ERI1: variants seen among roughly 807,000 people sequenced by gnomAD.
ERI1 encodes the protein 3'-5' exoribonuclease 1.
ERI1 carries 39 observed loss-of-function variants against 39.7 expected under a neutral mutation model. The observed-to-expected ratio is 0.98, with a 90% CI of 0.76 to 1.28. The LOEUF (loss-of-function observed/expected upper bound fraction) is 1.28, where lower values mean the gene tolerates loss of function less well. Among genes scored for constraint, ERI1 ranks in the 50% most tolerant of loss-of-function variants. The pLI, the probability that ERI1 is intolerant of heterozygous loss-of-function variation, is 0.00. For synonymous variants in ERI1, 204 were observed against 149.6 expected (o/e 1.36, Z -2.65); for missense variants, 581 against 416.9 (o/e 1.39, Z -3.43).
intron 3 of ERI1, among the ~76,000 whole-genome samples, chr8:9,077,204 T>C (rs1470031766): frequency 4.6e-5 from 7 of 152,196 alleles, no homozygotes; most frequent in African/African-American, 1.7e-4. Flanking sequence ...TTTCTCATGT[T>C]CTCCAGTTCT....
chr8:9,065,878 G>T (rs549139959), intron 3 of ERI1, among the ~76,000 whole-genome samples: 2 of 152,222 alleles, frequency 1.3e-5, no homozygotes, highest in South Asian at 4.2e-4. Context: ...GTTTTGGGTG[G>T]GTGGTGGAGA....
intron 2 of ERI1, among the ~76,000 whole-genome samples, chr8:9,010,474 TAAAA>T (rs1456746217): frequency 6.6e-6 from 1 of 152,196 alleles, no homozygotes; most frequent in Non-Finnish European, 1.5e-5. Flanking sequence ...CATTTCATCT[TAAAA>T]AAGCTAACTG....
At chr8:9,045,719 C>T (rs1466538891) in intron 3 of ERI1, among the ~76,000 whole-genome samples, 1 of 150,406 alleles carries the variant, frequency 6.6e-6, no homozygotes, top group Non-Finnish European at 1.5e-5. Flanking sequence ...CTCTGTCACC[C>T]AGGCTAGAGG....
At chr8:9,013,825 C>T (rs1260017910) in intron 3 of ERI1, among the ~76,000 whole-genome samples, 2 of 152,150 alleles carry the variant, frequency 1.3e-5, no homozygotes, top group African/African-American at 4.8e-5. Flanking sequence ...GTTTCTCTCA[C>T]ATCCAGGTCA....
At chr8:9,016,963 G>C (rs1464880249) in intron 4 of ERI1, among the ~76,000 whole-genome samples, 2 of 152,114 alleles carry the variant, frequency 1.3e-5, no homozygotes, top group Admixed American at 6.5e-5. Flanking sequence ...GATTACAGAC[G>C]TGAGCCACCA....
chr8:9,092,517 G>A (rs1421154112), intron 3 of ERI1, among the ~76,000 whole-genome samples: 6 of 152,140 alleles, frequency 3.9e-5, no homozygotes, highest in Admixed American at 3.9e-4. Context: ...TCTTGTCATG[G>A]GTAAACAGAT....
intron 3 of ERI1, among the ~76,000 whole-genome samples, chr8:9,080,293 A>G (rs868510063): frequency 6.6e-6 from 1 of 152,200 alleles, no homozygotes. Flanking sequence ...TCTCAACTGT[A>G]TAACCCAAGT....
At chr8:9,058,321 T>A (rs1162014183) in intron 3 of ERI1, among the ~76,000 whole-genome samples, 4 of 152,154 alleles carry the variant, frequency 2.6e-5, no homozygotes, top group African/African-American at 9.7e-5. Flanking sequence ...ACCTCGTAGG[T>A]TGCTATGTGC....
chr8:9,015,662 C>T (rs1049933898), intron 3 of ERI1, among the ~76,000 whole-genome samples: 3 of 136,944 alleles, frequency 2.2e-5, no homozygotes, highest in African/African-American at 8.5e-5. Context: ...GCGGAGCTTG[C>T]AGTGAGCCGA....
chr8:9,004,287 A>G (rs1375721309), intron 1 of ERI1: 9 of 1,157,296 alleles, frequency 7.8e-6, no homozygotes, highest in South Asian at 1.7e-5. Flanking sequence ...TACGTTGTCA[A>G]TCTCATCCTG....
intron 3 of ERI1, among the ~76,000 whole-genome samples, chr8:9,074,564 C>G (rs2117435580): frequency 6.6e-6 from 1 of 152,304 alleles, no homozygotes; most frequent in Middle Eastern, 3.4e-3. Flanking sequence ...GCCTCAGTCT[C>G]CTGAGTAGCT....
At position 9,019,442 on chromosome 8, in the gene ERI1, C is replaced by G. The variant is rs1037443394; in HGVS notation, c.693-908C>G. On this transcript the variant is annotated intron_variant, in intron 5 of 6. Coordinates refer to ENST00000250263, the MANE Select transcript of ERI1 (RefSeq NM_153332.4). ...ATTTTAAACATGAATGAGCAGTGCT[C>G]TGCTAAAGTATACAGGTGTTTCTGC... Among the ~76,000 whole-genome samples, 4 of 152,192 alleles carry G rather than the reference C, an allele frequency of 2.6e-5. No homozygotes were observed. In the East Asian group the frequency reaches 5.8e-4, roughly 22 times the overall value.
chr8:9,068,100 C>T (rs1469410446), intron 3 of ERI1, among the ~76,000 whole-genome samples: 2 of 152,162 alleles, frequency 1.3e-5, no homozygotes, highest in East Asian at 3.8e-4. Context: ...TTCAGAGCAA[C>T]ATCTAATCCA....
At chr8:9,065,915 G>A (rs1033758392) in intron 3 of ERI1, among the ~76,000 whole-genome samples, 1 of 152,064 alleles carries the variant, frequency 6.6e-6, no homozygotes, top group Non-Finnish European at 1.5e-5. Context: ...TGGCGCTGTC[G>A]GCAGTGGCTG....
At chr8:9,063,810 G>T (rs554304929) in intron 3 of ERI1, among the ~76,000 whole-genome samples, 1 of 152,172 alleles carries the variant, frequency 6.6e-6, no homozygotes, top group Non-Finnish European at 1.5e-5. Flanking sequence ...TTATACTGGG[G>T]TCAAGTGGCA....
intron 3 of ERI1, among the ~76,000 whole-genome samples, chr8:9,076,175 C>G (rs1013135773): frequency 6.6e-6 from 1 of 152,294 alleles, no homozygotes; most frequent in Non-Finnish European, 1.5e-5. Context: ...AACCCCTGGG[C>G]TCAAGTGGTC....
chr8:9,046,038 C>T (rs1266554637), intron 3 of ERI1, among the ~76,000 whole-genome samples: 12 of 152,002 alleles, frequency 7.9e-5, no homozygotes, highest in African/African-American at 2.4e-4. Context: ...TTCTAGGGGG[C>T]GGAGTTGGGC....
chr8:9,071,515 C>G (rs574376847), intron 3 of ERI1, among the ~76,000 whole-genome samples: 1 of 152,130 alleles, frequency 6.6e-6, no homozygotes, highest in Non-Finnish European at 1.5e-5. Context: ...GTCCTAATTA[C>G]GAAAAGAAAT....
At chr8:9,080,453 C>T (rs1378049313) in intron 3 of ERI1, among the ~76,000 whole-genome samples, 1 of 152,172 alleles carries the variant, frequency 6.6e-6, no homozygotes, top group African/African-American at 2.4e-5. Context: ...AGTTAGCAGA[C>T]AGAGACGTGA....
Sources: gnomAD v4.1 joint callset for allele counts (sites outside exome capture counted in the v4.1 genomes callset) on GRCh38, gnomAD v4.1.1 for gene constraint, MANE v1.5 for transcripts, NCBI Gene and HGNC (gene_info 2026-07-23, HGNC 2026-07-21) for gene names.